The following SRCIN1 variants were observed in gnomAD, a reference collection of about 807,000 sequenced individuals.
The protein encoded by SRCIN1 is P130Cas-associated protein.
Under a neutral mutation model 116.2 loss-of-function variants are expected in SRCIN1, and 50 were observed. The observed-to-expected ratio is 0.43, with a 90% CI of 0.34 to 0.54. SRCIN1 has a LOEUF of 0.54. Ranked by LOEUF, SRCIN1 falls within the 20% of genes least tolerant of loss-of-function variation. The pLI is 0.02. For synonymous variants in SRCIN1, 736 were observed against 750.0 expected (o/e 0.98, Z 0.30); for missense variants, 1,446 against 1,672.0 (o/e 0.86, Z 2.36).
At chr17:38,557,625 A>G (rs1905892502) in intron 11 of SRCIN1, among the ~76,000 whole-genome samples, 1 of 152,386 alleles carries the variant, frequency 6.6e-6, no homozygotes, top group African/African-American at 2.4e-5. Context: ...AATTTGGATC[A>G]GAAGACTGTC....
intron 3 of SRCIN1, among the ~76,000 whole-genome samples, chr17:38,564,786 G>A (rs1906573838): frequency 6.6e-6 from 1 of 151,610 alleles, no homozygotes; most frequent in Non-Finnish European, 1.5e-5. Context: ...GGCCCAGGGA[G>A]AAAGCAAAGA....
intron 1 of SRCIN1, among the ~76,000 whole-genome samples, chr17:38,592,259 C>T (rs1421706746): frequency 6.6e-6 from 1 of 152,222 alleles, no homozygotes; most frequent in Non-Finnish European, 1.5e-5. Flanking sequence ...ACCACGCCGC[C>T]ATCCCCAGGC....
At chr17:38,598,068 C>T (rs1908815622) in intron 1 of SRCIN1, among the ~76,000 whole-genome samples, 1 of 152,120 alleles carries the variant, frequency 6.6e-6, no homozygotes, top group Non-Finnish European at 1.5e-5. Context: ...ACCAGAAGTT[C>T]CCATAGTGCC....
intron 9 of SRCIN1, 58 bp downstream of exon 9, chr17:38,559,996 A>G (rs1229195853): frequency 7.0e-7 from 1 of 1,438,194 alleles, no homozygotes; most frequent in Non-Finnish European, 9.6e-7. Flanking sequence ...TCCCCACTTT[A>G]TAGATTAGAA....
chr17:38,606,118 C>G (rs1909357482), upstream of SRCIN1, among the ~76,000 whole-genome samples: 1 of 150,722 alleles, frequency 6.6e-6, no homozygotes, highest in Non-Finnish European at 1.5e-5. This position sits in a 1 kb window ranked among gnomAD's most constrained non-coding sequence, Gnocchi z 5.2. Context: ...CGCGTGATCC[C>G]GCAGCGCGCG....
chr17:38,580,182 G>T (rs997762204), intron 1 of SRCIN1, among the ~76,000 whole-genome samples: 3 of 152,164 alleles, frequency 2.0e-5, no homozygotes, highest in African/African-American at 7.2e-5. Context: ...CCACTGTCAG[G>T]AGGTCTATGG....
intron 18 of SRCIN1, among the ~76,000 whole-genome samples, chr17:38,540,280 T>C (rs184255515): frequency 3.4e-4 from 52 of 152,290 alleles, no homozygotes; most frequent in Admixed American, 2.8e-3. Context: ...ACCTCCATCT[T>C]AGAACTTTCT....
intron 7 of SRCIN1, among the ~76,000 whole-genome samples, 155 bp downstream of exon 7, chr17:38,561,308 A>G (rs967692882): frequency 6.6e-6 from 1 of 152,112 alleles, no homozygotes; most frequent in Non-Finnish European, 1.5e-5. Context: ...GCCACATCCA[A>G]GATGCTCTCT....
rs573677611 is a variant in SRCIN1 at position 38,592,129 on chromosome 17, T to C, written c.23-13338A>G. ...AGAGGCTCCCCCACCCTCAGCTGCTTCCCTGCAAGTGCCCCGTGTCTGCAT... is the reference window on the plus strand; with the variant it reads ...AGAGGCTCCCCCACCCTCAGCTGCTCCCCTGCAAGTGCCCCGTGTCTGCAT... On this transcript the variant is annotated intron_variant, in intron 1 of 18. Coordinates refer to ENST00000617146, the MANE Select transcript of SRCIN1 (RefSeq NM_025248.3). Among the ~76,000 whole-genome samples the C allele has an allele frequency of 5.3e-5, 8 of 152,334 alleles. 1 individual carries two copies. The South Asian group carries it at 6.2e-4, about 12-fold the overall frequency.
intron 14 of SRCIN1, 84 bp downstream of exon 14, chr17:38,551,802 T>C: frequency 6.2e-7 from 1 of 1,601,252 alleles, no homozygotes. Context: ...CCCACAGGAT[T>C]GGCACTCCCC....
rs1907131045 is a variant in SRCIN1, at chr17:38,572,346, C to T, written c.325-4115G>A. ...TGACACCCTCATCTCCTTCCCAATG[C>T]AGAGTGTGTGTGTGGGTGGGTGGGT... On this transcript the variant is annotated intron_variant, in intron 2 of 18. Transcript: ENST00000617146. The surrounding 1 kb of genome is among the most constrained non-coding windows in gnomAD (Gnocchi z 4.3). 2.2e-5 allele frequency among the ~76,000 whole-genome samples: 1 copy of T among 46,192 alleles called. No homozygotes were observed. Among genetic ancestry groups the T allele is most frequent in the South Asian group, 7.4e-4 (1 of 1,346 alleles). The allele number at this position is 46,192 out of a possible 152,430, so 30.3% of individuals were successfully genotyped here. A position where few individuals can be genotyped will look rare whatever the true frequency, so the allele number is the denominator to read the frequency against.
At chr17:38,594,962 G>A (rs1908644369) in intron 1 of SRCIN1, among the ~76,000 whole-genome samples, 1 of 152,164 alleles carries the variant, frequency 6.6e-6, no homozygotes, top group Non-Finnish European at 1.5e-5. Flanking sequence ...TGGAGGCCAA[G>A]TAACTGCTTG....
rs1555609322 is a variant in SRCIN1 at position 38,563,471 on chromosome 17, G to A, written c.592C>T (p.His198Tyr). The A allele has an allele frequency of 8.4e-6, 13 of 1,556,368 alleles. No homozygotes were observed. Among genetic ancestry groups the A allele is most frequent in the Non-Finnish European group, 1.0e-5 (12 of 1,149,588 alleles). ...AGCGTGTCCAGGCTGCTGACCTCGT[G>A]CGTGATGTGCACGCGCCGAGTCTCC... ...GEETRRVHIT[H>Y]EVSSLDTLHA... Residue 198 changes from histidine (H) to tyrosine (Y), a missense_variant, in exon 5 of 19, where the codon CAC becomes TAC. By Grantham distance (83) the His-to-Tyr change is moderately conservative. Transcript: ENST00000617146. The surrounding 1 kb of genome is among the most constrained non-coding windows in gnomAD (Gnocchi z 5.8).
At position 38,558,379 on chromosome 17, in the gene SRCIN1, G is replaced by C. The variant is rs764251894; in HGVS notation, c.2049C>G (p.Arg683=). 3.7e-6 allele frequency: 6 copies of C among 1,604,208 alleles called. No individual in the cohort carries two copies. Among genetic ancestry groups the C allele is most frequent in the Non-Finnish European group, 5.1e-6 (6 of 1,179,012 alleles). Reference sequence around the variant, plus strand: ...CTGCCTCCGTGCGCTTCAGCAGCGCGCGCACCGACTCCTGGTTCTGTAGCT... The same window carrying C: ...CTGCCTCCGTGCGCTTCAGCAGCGCCCGCACCGACTCCTGGTTCTGTAGCT... ...KLQLQNQESV[R]ALLKRTEAEL... Residue 683 remains arginine (R), a synonymous_variant, in exon 11 of 19, where the codon CGC becomes CGG. Transcript: ENST00000617146. The surrounding 1 kb of genome is among the most constrained non-coding windows in gnomAD (Gnocchi z 4.6).
intron 1 of SRCIN1, among the ~76,000 whole-genome samples, chr17:38,601,314 C>T (rs1909007798): frequency 1.3e-5 from 2 of 152,054 alleles, no homozygotes; most frequent in South Asian, 4.1e-4. Flanking sequence ...GGCCCCAGGG[C>T]GTGGATGGGG....
intron 11 of SRCIN1, among the ~76,000 whole-genome samples, chr17:38,553,154 G>A (rs1014380604): frequency 6.6e-6 from 1 of 152,184 alleles, no homozygotes; most frequent in Non-Finnish European, 1.5e-5. Flanking sequence ...TACTCGGGAG[G>A]CTAAGGCAGG....
intron 1 of SRCIN1, among the ~76,000 whole-genome samples, chr17:38,593,108 C>T (rs927626685): frequency 5.0e-4 from 76 of 152,254 alleles, no homozygotes; most frequent in African/African-American, 1.6e-3. Context: ...TTAGGAGCCA[C>T]CAGAGGTTTG....
chr17:38,599,393 C>A (rs1908897276), intron 1 of SRCIN1, among the ~76,000 whole-genome samples: 1 of 152,142 alleles, frequency 6.6e-6, no homozygotes, highest in African/African-American at 2.4e-5. Context: ...GGATCCCTCC[C>A]CAGCAGGGTC....
chr17:38,551,470 C>T, intron 14 of SRCIN1, 81 bp from the exon 15 acceptor site: 1 of 1,216,346 alleles, frequency 8.2e-7, no homozygotes, highest in Non-Finnish European at 1.2e-6. Context: ...TCCCCCAAGC[C>T]ACGTAGGCAA....
Sources: allele counts gnomAD v4.1 joint callset (sites outside exome capture counted in the v4.1 genomes callset), GRCh38; gene constraint gnomAD v4.1.1; non-coding constraint Gnocchi (gnomAD v3.1); transcripts MANE v1.5; gene names NCBI Gene and HGNC (gene_info 2026-07-23, HGNC 2026-07-21).